The following ZPBP variants were observed in gnomAD, a reference collection of about 807,000 sequenced individuals.
The protein encoded by ZPBP is zona pellucida binding protein.
In ZPBP, 26 loss-of-function variants were observed where a neutral mutation model predicts 44.8. The ratio of observed to expected loss-of-function variants is 0.58; its 90% CI spans 0.43 to 0.81. The LOEUF is 0.81. Ranked by LOEUF, ZPBP falls within the 30% of genes least tolerant of loss-of-function variation. The pLI, the probability that ZPBP is intolerant of heterozygous loss-of-function variation, is 0.00. For missense variants in ZPBP, 409 were observed against 434.0 expected, an observed-to-expected ratio of 0.94 and a Z score of 0.51; for synonymous variants, 174 against 153.2, an observed-to-expected ratio of 1.14 and a Z score of -1.00.
chr7:49,992,473 C>T (rs1284190870), intron 6 of ZPBP, among the ~76,000 whole-genome samples: 2 of 151,940 alleles, frequency 1.3e-5, no homozygotes, highest in African/African-American at 4.8e-5. Context: ...AAATGGACAG[C>T]TTTAGCAGCA....
intron 5 of ZPBP, among the ~76,000 whole-genome samples, chr7:50,021,295 C>T (rs887020094): frequency 2.6e-5 from 4 of 151,906 alleles, no homozygotes; most frequent in Non-Finnish European, 5.9e-5. Context: ...AAAATGATGC[C>T]TTCACAAATA....
chr7:49,969,810 TATATATATAG>T (rs1205313293), intron 7 of ZPBP, among the ~76,000 whole-genome samples: 2 of 113,092 alleles, frequency 1.8e-5, no homozygotes, highest in Admixed American at 1.8e-4. Flanking sequence ...AATGTATATA[TATATATATAG>T]AGAGAGAGAG....
intron 2 of ZPBP, among the ~76,000 whole-genome samples, chr7:49,897,405 A>G (rs1583781475): frequency 6.6e-6 from 1 of 152,194 alleles, no homozygotes. Flanking sequence ...AATATTGATA[A>G]AAAGAATACA....
intron 2 of ZPBP, among the ~76,000 whole-genome samples, chr7:50,087,354 A>C (rs1802713156): frequency 6.6e-6 from 1 of 152,100 alleles, no homozygotes; most frequent in South Asian, 2.1e-4. Context: ...ATGCAAAGCA[A>C]GTTCAAAATA....
downstream of ZPBP, among the ~76,000 whole-genome samples, chr7:49,933,995 A>G (rs1031317360): frequency 6.6e-6 from 1 of 151,800 alleles, no homozygotes; most frequent in African/African-American, 2.4e-5. Flanking sequence ...TGGCACATGT[A>G]TACATATGTA....
Position 50,018,292 on chromosome 7 carries a change from C to A in ZPBP, c.731G>T (p.Gly244Val), listed in dbSNP as rs760353111. The change falls in exon 6 of 8, where the codon GGA becomes GTA. Residue 244 changes from glycine to valine, a missense_variant. Transcript: ENST00000046087. ...FSVSSLDTEKGPKRCTDHNCE... is the reference protein window; with the variant it reads ...FSVSSLDTEKVPKRCTDHNCE... ...GTTATGGTCTGTACATCGCTTGGGTCCTTTTTCAGTGTCTAGAGATGAAAC... is the reference window on the plus strand; with the variant it reads ...GTTATGGTCTGTACATCGCTTGGGTACTTTTTCAGTGTCTAGAGATGAAAC... 4.1e-5 allele frequency: 66 copies of A among 1,609,624 alleles called. No homozygotes were observed. The highest frequency in any genetic ancestry group is 5.3e-5 in the Non-Finnish European group (63 of 1,178,420).
At chr7:49,876,914 T>C (rs753283946) in intron 2 of ZPBP, among the ~76,000 whole-genome samples, 4 of 152,170 alleles carry the variant, frequency 2.6e-5, no homozygotes, top group Middle Eastern at 3.4e-3. Context: ...GGGATCCTTT[T>C]GATGCACTCC....
At chr7:49,868,972 A>G (rs1791023335) in intron 2 of ZPBP, among the ~76,000 whole-genome samples, 1 of 152,228 alleles carries the variant, frequency 6.6e-6, no homozygotes, top group Non-Finnish European at 1.5e-5. Context: ...TGTCAAATAT[A>G]TGTACAATTT....
chr7:49,904,625 C>T (rs1219461094), intron 1 of ZPBP, among the ~76,000 whole-genome samples: 1 of 152,006 alleles, frequency 6.6e-6, no homozygotes, highest in Non-Finnish European at 1.5e-5. Flanking sequence ...TTATAACTTA[C>T]CACTTTTACA....
intron 7 of ZPBP, chr7:49,944,107 C>A: frequency 4.3e-6 from 1 of 232,908 alleles, no homozygotes; most frequent in South Asian, 6.1e-5. Flanking sequence ...TGCTTTGTTT[C>A]ATGACAACTG....
intron 7 of ZPBP, among the ~76,000 whole-genome samples, chr7:49,967,793 G>A (rs1029449496): frequency 2.6e-5 from 4 of 152,082 alleles, no homozygotes; most frequent in African/African-American, 7.2e-5. Flanking sequence ...TGATCTGCCC[G>A]CCTTGGCCTC....
intron 2 of ZPBP, among the ~76,000 whole-genome samples, chr7:49,897,127 C>T (rs539982921): frequency 9.1e-4 from 139 of 151,996 alleles, no homozygotes; most frequent in Non-Finnish European, 2.4e-4. Flanking sequence ...GATCTCCTGA[C>T]CTCATGATCC....
At chr7:49,879,924 A>G (rs1183416393) in intron 2 of ZPBP, among the ~76,000 whole-genome samples, 1 of 152,176 alleles carries the variant, frequency 6.6e-6, no homozygotes, top group African/African-American at 2.4e-5. Context: ...GATGAGATTC[A>G]TCACAGGTTT....
intron 4 of ZPBP, among the ~76,000 whole-genome samples, chr7:50,045,346 G>A (rs975120921): frequency 1.3e-5 from 2 of 152,162 alleles, no homozygotes; most frequent in African/African-American, 4.8e-5. Context: ...AATAGGAAGA[G>A]AGGAAGTCAA....
chr7:50,067,621 A>C (rs980492037), intron 3 of ZPBP, among the ~76,000 whole-genome samples: 2 of 152,128 alleles, frequency 1.3e-5, no homozygotes, highest in Non-Finnish European at 2.9e-5. Context: ...TGATCTGTCA[A>C]ATCTCTTCGG....
chr7:50,081,994 T>C, intron 2 of ZPBP, 95 bp from the exon 3 acceptor site: 1 of 1,407,308 alleles, frequency 7.1e-7, no homozygotes, highest in South Asian at 1.2e-5. Context: ...CATGCAATAA[T>C]AAGAGTACTT....
intron 1 of ZPBP, among the ~76,000 whole-genome samples, chr7:49,932,233 C>G (rs1022343704): frequency 9.9e-5 from 15 of 152,180 alleles, no homozygotes. Flanking sequence ...TCCTCCCAAC[C>G]CCAGAATGGT....
At chr7:49,952,714 G>A (rs192160335) in intron 7 of ZPBP, among the ~76,000 whole-genome samples, 361 of 151,964 alleles carry the variant, frequency 2.4e-3, no homozygotes, top group South Asian at 9.1e-3. Context: ...ACTATCTTTC[G>A]AAACTAAGGG....
Position 49,983,365 on chromosome 7 carries a change from T to A in ZPBP, c.938A>T (p.His313Leu). The change falls in exon 7 of 8, where the codon CAT (histidine) becomes CTT (leucine). Residue 313 changes from histidine to leucine, a missense_variant. This residue lies in a region of ZPBP where 42 missense variants were observed against 71.0 expected (regional missense o/e 0.59). Transcript: ENST00000046087. ...FPGYGMNVQQ[H>L]PKCPECCVIC... The stretch of plus-strand genomic sequence containing the variant: ...ACCACAGCACTCAGGACATTTTGGA[T>A]GTTGCTGGACATTCATTCCATATCC... 12 of 1,613,560 alleles carry A rather than the reference T, an allele frequency of 7.4e-6. No homozygotes were observed. The highest frequency in any genetic ancestry group is 1.0e-5 in the Non-Finnish European group (12 of 1,179,668).
Sources: gnomAD v4.1 joint callset for allele counts (sites outside exome capture counted in the v4.1 genomes callset) on GRCh38, gnomAD v4.1.1 for gene constraint, gnomAD v4.1.1 regional missense constraint, MANE v1.5 for transcripts, NCBI Gene and HGNC (gene_info 2026-07-23, HGNC 2026-07-21) for gene names.